Variants in TECPR2 observed in about 807,000 individuals in gnomAD.
TECPR2 encodes tectonin beta-propeller repeat-containing protein 2.
TECPR2 carries 65 observed loss-of-function variants against 138.1 expected under a neutral mutation model. The ratio of observed to expected loss-of-function variants is 0.47; its 90% CI spans 0.39 to 0.58. The LOEUF (loss-of-function observed/expected upper bound fraction) is 0.58. Among genes scored for constraint, TECPR2 ranks in the 20% least tolerant of loss-of-function variants. TECPR2 has a pLI of 0.00. For missense variants in TECPR2, 1,553 were observed against 1,824.5 expected (o/e 0.85, Z 2.71); for synonymous variants, 746 against 749.8 (o/e 0.99, Z 0.08).
At chr14:102,487,238 G>A (rs1403003772) in intron 17 of TECPR2, among the ~76,000 whole-genome samples, 3 of 152,230 alleles carry the variant, frequency 2.0e-5, no homozygotes, top group Non-Finnish European at 4.4e-5. Context: ...TGGGGCATTT[G>A]TGCTGCCGCT....
intron 17 of TECPR2, 169 bp from the exon 18 acceptor site, chr14:102,496,810 C>A: frequency 3.1e-6 from 3 of 960,990 alleles, no homozygotes; most frequent in African/African-American, 3.3e-5. Flanking sequence ...AAGTGACCAT[C>A]TCCCCCGTGA....
At chr14:102,417,731 G>A (rs545200672) in intron 5 of TECPR2, among the ~76,000 whole-genome samples, 73 of 148,666 alleles carry the variant, frequency 4.9e-4, no homozygotes, top group Non-Finnish European at 8.8e-5. Flanking sequence ...AGGCTGACAC[G>A]GGAGTCCAGG....
chr14:102,452,483 C>G lies in TECPR2; in HGVS notation c.3496C>G (p.Pro1166Ala). ...AQSRPSTVQL[P>A]PEAEMRAYAA... ...GTCGCGGCCCTCCACGGTGCAGCTG[C>G]CTCCCGAAGCCGAGATGCGCGCCTA... The change falls in exon 16 of 20, where the codon CCT becomes GCT. Residue 1166 changes from proline to alanine, a missense_variant. Transcript: ENST00000359520. 6.2e-7 allele frequency: 1 copy of G among 1,613,474 alleles called. No individual in the cohort carries two copies. Among genetic ancestry groups the G allele is most frequent in the South Asian group, 1.1e-5 (1 of 91,060 alleles).
intron 17 of TECPR2, among the ~76,000 whole-genome samples, chr14:102,496,393 C>T (rs1007557148): frequency 2.0e-5 from 3 of 152,230 alleles, no homozygotes; most frequent in Admixed American, 6.5e-5. Flanking sequence ...GGAGGGACTT[C>T]CTCCTGTCCT....
chr14:102,462,110 G>A (rs1890425087), intron 16 of TECPR2, among the ~76,000 whole-genome samples: 1 of 152,148 alleles, frequency 6.6e-6, no homozygotes, highest in Admixed American at 6.5e-5. Context: ...CGTGTTCTGT[G>A]AGCAGTGTTG....
intron 2 of TECPR2, 71 bp downstream of exon 2, chr14:102,377,011 G>C (rs950680938): frequency 6.7e-7 from 1 of 1,485,344 alleles, no homozygotes; most frequent in African/African-American, 1.4e-5. Context: ...TTGTGTTCTA[G>C]GATGAGATAA....
chr14:102,374,077 A>C (rs1173936992), intron 1 of TECPR2, among the ~76,000 whole-genome samples: 1 of 151,452 alleles, frequency 6.6e-6, no homozygotes, highest in Non-Finnish European at 1.5e-5. Flanking sequence ...GTCTCAAAAA[A>C]AAAAAAAAAA....
At chr14:102,368,830 T>C (rs1195938012) in intron 1 of TECPR2, among the ~76,000 whole-genome samples, 2 of 151,976 alleles carry the variant, frequency 1.3e-5, no homozygotes, top group African/African-American at 4.8e-5. Context: ...ACAGAGTTGG[T>C]GAGGAGGCGC....
chr14:102,451,762 C>T (rs1890149232), intron 15 of TECPR2, among the ~76,000 whole-genome samples: 1 of 152,122 alleles, frequency 6.6e-6, no homozygotes, highest in South Asian at 2.1e-4. Flanking sequence ...TTTAACTGCC[C>T]TAAGGATTAT....
intron 2 of TECPR2, among the ~76,000 whole-genome samples, chr14:102,381,370 C>T (rs888702621): frequency 3.3e-5 from 5 of 152,130 alleles, no homozygotes; most frequent in Admixed American, 2.0e-4. Context: ...GTCGGGAATT[C>T]GAGACCAATC....
chr14:102,449,778 G>A lies in TECPR2; in HGVS notation c.3225G>A (p.Gln1075=). 1.9e-6 allele frequency: 3 copies of A among 1,614,178 alleles called. No homozygotes were observed. Among genetic ancestry groups the A allele is most frequent in the Non-Finnish European group, 2.5e-6 (3 of 1,180,034 alleles). The change falls in exon 14 of 20, where the codon CAG becomes CAA. Residue 1075 remains glutamine (Q), a synonymous_variant. Transcript: ENST00000359520. ...LRMAFWSQQL[Q]CQPSLLGVNN... is the part of the protein sequence containing the mutation. ...TGGCGTTTTGGTCCCAGCAGCTTCA[G>A]TGCCAGCCAAGCCTTCTCGGGGTCA...
intron 2 of TECPR2, among the ~76,000 whole-genome samples, chr14:102,386,279 G>A (rs1888000336): frequency 6.6e-6 from 1 of 152,034 alleles, no homozygotes; most frequent in African/African-American, 2.4e-5. Flanking sequence ...AGAGCAGCCT[G>A]AGCAACATGG....
At chr14:102,389,185 G>A (rs1888101232) in intron 2 of TECPR2, among the ~76,000 whole-genome samples, 1 of 150,482 alleles carries the variant, frequency 6.6e-6, no homozygotes, top group South Asian at 2.1e-4. Flanking sequence ...AATTAGCCAG[G>A]TGTGGTGGCA....
intron 4 of TECPR2, among the ~76,000 whole-genome samples, chr14:102,412,594 T>C (rs1235088605): frequency 1.3e-5 from 2 of 152,248 alleles, no homozygotes; most frequent in South Asian, 2.1e-4. Context: ...CATTACTTGT[T>C]TTCCTTGAAG....
At chr14:102,461,315 C>T (rs1193871214) in intron 16 of TECPR2, among the ~76,000 whole-genome samples, 2 of 152,170 alleles carry the variant, frequency 1.3e-5, no homozygotes, top group African/African-American at 4.8e-5. Context: ...CAGGTCACAG[C>T]ATTTAATGAA....
At chr14:102,494,036 G>A (rs983142191) in intron 17 of TECPR2, among the ~76,000 whole-genome samples, 1 of 152,082 alleles carries the variant, frequency 6.6e-6, no homozygotes, top group Non-Finnish European at 1.5e-5. Flanking sequence ...TCCTGGTGGT[G>A]CCTCCCATAT....
At position 102,431,967 on chromosome 14, in the gene TECPR2, G is replaced by T. The variant is rs748625556; in HGVS notation, c.1256G>T (p.Gly419Val). 3.1e-6 allele frequency: 5 copies of T among 1,612,974 alleles called. No homozygotes were observed. In the South Asian group the frequency reaches 5.5e-5, roughly 18 times the overall value. Residue 419 changes from glycine to valine, a missense_variant, in exon 8 of 20, where the codon GGC becomes GTC. Transcript: ENST00000359520. Reference sequence around the variant, plus strand: ...AGCTCGCTCAACTCCACCGACAGCGGCTCCGGGCTCCTGCCCCCTGGGCTC... The same window carrying T: ...AGCTCGCTCAACTCCACCGACAGCGTCTCCGGGCTCCTGCCCCCTGGGCTC... ...RSSSLNSTDS[G>V]SGLLPPGLQA... is the part of the protein sequence containing the mutation.
chr14:102,437,880 G>T, intron 9 of TECPR2, 142 bp from the exon 10 acceptor site: 1 of 923,960 alleles, frequency 1.1e-6, no homozygotes, highest in Middle Eastern at 3.5e-4. Flanking sequence ...AGCAGGGGTT[G>T]GGAGAAGGGT....
chr14:102,431,341 T>C (rs1889466284), intron 7 of TECPR2, among the ~76,000 whole-genome samples: 2 of 67,806 alleles, frequency 2.9e-5, no homozygotes, highest in South Asian at 7.1e-4. Flanking sequence ...TTTTGGTGGA[T>C]TTTTTTTTTT....
Sources: gnomAD v4.1 joint callset for allele counts (sites outside exome capture counted in the v4.1 genomes callset) on GRCh38, gnomAD v4.1.1 for gene constraint, MANE v1.5 for transcripts, NCBI Gene and HGNC (gene_info 2026-07-23, HGNC 2026-07-21) for gene names.